Variants in IDE observed in about 807,000 individuals in gnomAD.
IDE encodes the protein insulin-degrading enzyme.
A neutral mutation model predicts 133.2 loss-of-function variants in IDE; 58 were observed. That is an observed-to-expected ratio of 0.44 (90% CI 0.35 to 0.54). The LOEUF (loss-of-function observed/expected upper bound fraction) is 0.54, where lower values mean the gene tolerates loss of function less well. Among genes scored for constraint, IDE ranks in the 20% least tolerant of loss-of-function variants. The pLI, the probability that IDE is intolerant of heterozygous loss-of-function variation, is 0.00. For missense variants in IDE, 981 were observed against 1,234.0 expected, an observed-to-expected ratio of 0.79 and a Z score of 3.07; for synonymous variants, 396 against 421.3, an observed-to-expected ratio of 0.94 and a Z score of 0.73.
intron 19 of IDE, among the ~76,000 whole-genome samples, chr10:92,467,543 G>T (rs886373129): frequency 3.3e-5 from 5 of 152,166 alleles, no homozygotes; most frequent in African/African-American, 1.2e-4. Flanking sequence ...ATTTGGGAGG[G>T]TACTTAGGAG....
At chr10:92,515,722 G>A (rs1175940355) in intron 4 of IDE, among the ~76,000 whole-genome samples, 15 of 149,712 alleles carry the variant, frequency 1.0e-4, no homozygotes, top group African/African-American at 2.7e-4. Context: ...CACCACGCCC[G>A]GCTAATTTTG....
intron 4 of IDE, among the ~76,000 whole-genome samples, chr10:92,522,356 GT>G (rs918498910): frequency 6.6e-6 from 1 of 152,032 alleles, no homozygotes; most frequent in African/African-American, 2.4e-5. Flanking sequence ...TCATGTCATG[GT>G]TTTGGGGGTC....
At chr10:92,480,212 G>A (rs1007356698) in intron 14 of IDE, among the ~76,000 whole-genome samples, 1 of 152,158 alleles carries the variant, frequency 6.6e-6, no homozygotes, top group African/African-American at 2.4e-5. Flanking sequence ...TAAATGACCT[G>A]CTCCTTTGAC....
At chr10:92,533,489 C>T (rs1464138760) in intron 3 of IDE, among the ~76,000 whole-genome samples, 1 of 151,832 alleles carries the variant, frequency 6.6e-6, no homozygotes, top group African/African-American at 2.4e-5. Flanking sequence ...CAAATAAAGC[C>T]GACAGTGACT....
rs201698581 is a variant in IDE, at chr10:92,566,388, ATCTCTCTC to A, written c.98+7526_98+7533del. On this transcript the variant is annotated intron_variant, in intron 1 of 24. Coordinates refer to ENST00000265986, the MANE Select transcript of IDE (RefSeq NM_004969.4). Reference sequence around the variant, plus strand: ...CCTAGGAGTGACAGAGTCAGACTCTATCTCTCTCTCTCTCTCTCTCTCTCTCACACACA... The same window carrying A: ...CCTAGGAGTGACAGAGTCAGACTCTATCTCTCTCTCTCTCTCTCACACACA... Among the ~76,000 whole-genome samples the A allele has an allele frequency of 6.9e-5, 10 of 144,878 alleles. 1 individual carries two copies. The highest frequency in any genetic ancestry group is 4.2e-4 in the Admixed American group (6 of 14,346).
At chr10:92,573,481 AG>A (rs1432371313) in intron 1 of IDE, among the ~76,000 whole-genome samples, 3 of 152,254 alleles carry the variant, frequency 2.0e-5, no homozygotes, top group African/African-American at 7.2e-5. Flanking sequence ...GCTGAGGGCA[AG>A]GTGAGAAGCG....
At chr10:92,456,664 C>T (rs1198812015) in intron 22 of IDE, among the ~76,000 whole-genome samples, 2 of 151,696 alleles carry the variant, frequency 1.3e-5, no homozygotes, top group Non-Finnish European at 2.9e-5. Flanking sequence ...CATAGTGAAA[C>T]CCTGTCTTTA....
intron 24 of IDE, 135 bp downstream of exon 24, chr10:92,455,441 A>G: frequency 3.2e-6 from 2 of 630,060 alleles, no homozygotes; most frequent in South Asian, 3.9e-5. Flanking sequence ...AGATCGCACC[A>G]CTGCACTCCA....
At chr10:92,483,703 G>T (rs970751564) in intron 13 of IDE, among the ~76,000 whole-genome samples, 1 of 152,160 alleles carries the variant, frequency 6.6e-6, no homozygotes, top group African/African-American at 2.4e-5. Context: ...CAGCTTCCAG[G>T]GTGGCCCACA....
intron 4 of IDE, among the ~76,000 whole-genome samples, chr10:92,519,439 CCAG>C (rs1354342486): frequency 2.0e-5 from 3 of 152,186 alleles, no homozygotes; most frequent in Non-Finnish European, 4.4e-5. Flanking sequence ...CAGGTGAGCT[CCAG>C]CAGTGAATGG....
chr10:92,479,203 A>G (rs1326496980), intron 15 of IDE, 74 bp downstream of exon 15: 2 of 1,064,066 alleles, frequency 1.9e-6, no homozygotes, highest in Non-Finnish European at 1.4e-6. Flanking sequence ...TCACACCCTC[A>G]ATCAAAAAAT....
rs572920112 is a variant in IDE at position 92,527,994 on chromosome 10, C to T, written c.661+3754G>A. On this transcript the variant is annotated intron_variant, in intron 4 of 24. Transcript: ENST00000265986. ...TCACGCCACTGTACTCCAAAGAACG[C>T]AATTTTAGTGTGTTTGTCTTCTTTC... Among the ~76,000 whole-genome samples the T allele has an allele frequency of 2.0e-5, 3 of 152,242 alleles. No homozygotes were observed. In the East Asian group the frequency reaches 5.8e-4, roughly 29 times the overall value.
At chr10:92,555,491 T>G (rs1775179182) in intron 1 of IDE, among the ~76,000 whole-genome samples, 1 of 146,402 alleles carries the variant, frequency 6.8e-6, no homozygotes, top group Non-Finnish European at 1.5e-5. Context: ...GAAAAAAACT[T>G]TGTCTCAAAA....
At chr10:92,518,265 A>G (rs943270565) in intron 4 of IDE, among the ~76,000 whole-genome samples, 1 of 152,094 alleles carries the variant, frequency 6.6e-6, no homozygotes, top group African/African-American at 2.4e-5. Context: ...CCAAGATTCA[A>G]TTGATTCTCC....
At chr10:92,557,351 A>G (rs1182855857) in intron 1 of IDE, among the ~76,000 whole-genome samples, 1 of 152,038 alleles carries the variant, frequency 6.6e-6, no homozygotes, top group Non-Finnish European at 1.5e-5. Context: ...CCTGGATAAC[A>G]TGGTGCAACC....
intron 3 of IDE, among the ~76,000 whole-genome samples, chr10:92,532,375 A>ATGT (rs1292801652): frequency 6.6e-6 from 1 of 152,036 alleles, no homozygotes; most frequent in South Asian, 2.1e-4. Flanking sequence ...GCACCTTAGG[A>ATGT]CAAACAAGTG....
intron 5 of IDE, among the ~76,000 whole-genome samples, chr10:92,511,098 A>C (rs1339830293): frequency 6.0e-4 from 91 of 150,602 alleles, no homozygotes; most frequent in Admixed American, 1.3e-3. Flanking sequence ...AAAAAAAAAA[A>C]AAACTTTTTT....
chr10:92,573,665 C>G (rs1373124391), intron 1 of IDE, among the ~76,000 whole-genome samples: 4 of 152,236 alleles, frequency 2.6e-5, no homozygotes, highest in East Asian at 1.9e-4. Flanking sequence ...CCCGTGGCCC[C>G]GGGTAGCGGC....
At chr10:92,492,075 A>G (rs1448524716) in intron 11 of IDE, among the ~76,000 whole-genome samples, 1 of 152,004 alleles carries the variant, frequency 6.6e-6, no homozygotes, top group African/African-American at 2.4e-5. Context: ...CCTGGCTAAC[A>G]TGGTGAAATC....
Sources: gnomAD v4.1 joint callset for allele counts (sites outside exome capture counted in the v4.1 genomes callset) on GRCh38, gnomAD v4.1.1 for gene constraint, MANE v1.5 for transcripts, NCBI Gene and HGNC (gene_info 2026-07-23, HGNC 2026-07-21) for gene names.